The following ATF6 variants were observed in gnomAD, a reference collection of about 807,000 sequenced individuals.
The protein encoded by ATF6 is cyclic AMP-dependent transcription factor ATF-6 alpha.
A neutral mutation model predicts 83.6 loss-of-function variants in ATF6; 53 were observed. The ratio of observed to expected loss-of-function variants is 0.63; its 90% CI spans 0.51 to 0.80. The LOEUF (loss-of-function observed/expected upper bound fraction) is 0.80, where lower values mean the gene tolerates loss of function less well. ATF6 is among the 30% of genes least tolerant of loss of function. ATF6 has a pLI of 0.00. For synonymous variants in ATF6, 288 were observed against 285.8 expected, an observed-to-expected ratio of 1.01 and a Z score of -0.08; for missense variants, 744 against 797.9, an observed-to-expected ratio of 0.93 and a Z score of 0.81.
intron 4 of ATF6, among the ~76,000 whole-genome samples, chr1:161,787,972 C>G (rs1436000578): frequency 6.6e-6 from 1 of 152,188 alleles, no homozygotes; most frequent in Non-Finnish European, 1.5e-5. Context: ...GCATCTAACT[C>G]TGTACAACAT....
intron 6 of ATF6, among the ~76,000 whole-genome samples, chr1:161,801,355 T>C (rs1000065721): frequency 1.4e-5 from 2 of 147,864 alleles, no homozygotes; most frequent in Non-Finnish European, 1.5e-5. Context: ...TTGGTATTTG[T>C]AGTCTTTTTT....
intron 14 of ATF6, among the ~76,000 whole-genome samples, chr1:161,880,854 C>T (rs1332128227): frequency 1.3e-5 from 2 of 152,122 alleles, no homozygotes; most frequent in Non-Finnish European, 1.5e-5. Flanking sequence ...TACCATTTTA[C>T]ATTCCCACCA....
chr1:161,881,593 C>T (rs1687328552), intron 14 of ATF6, among the ~76,000 whole-genome samples: 1 of 152,124 alleles, frequency 6.6e-6, no homozygotes, highest in African/African-American at 2.4e-5. Flanking sequence ...CTTCCATACC[C>T]TCTCCAAGTA....
In ATF6 at chr1:161,775,028, C is replaced by T. The variant is rs1684482824; in HGVS notation, c.83-3216C>T. On this transcript the variant is annotated intron_variant, in intron 1 of 15. Transcript: ENST00000367942. ...AGTGCAGGGAAAGTGCAAAATAAGC[C>T]TGGAAAATCTTGGGCCAGAAATTCT... Among the ~76,000 whole-genome samples the T allele has an allele frequency of 2.0e-5, 3 of 152,058 alleles. No homozygotes were observed. In the South Asian group the frequency reaches 6.2e-4, roughly 32 times the overall value.
intron 15 of ATF6, among the ~76,000 whole-genome samples, chr1:161,943,612 C>T (rs571621431): frequency 2.8e-4 from 42 of 152,158 alleles, no homozygotes; most frequent in Non-Finnish European, 1.0e-4. Context: ...ACTCAGGGCA[C>T]GCTCCTGCCT....
At chr1:161,901,004 GTAGA>G (rs1436612304) in intron 14 of ATF6, among the ~76,000 whole-genome samples, 2 of 152,054 alleles carry the variant, frequency 1.3e-5, no homozygotes, top group African/African-American at 4.8e-5. Flanking sequence ...TAAAATTATA[GTAGA>G]TAGATCACTG....
rs1257363445 is a variant in ATF6, at chr1:161,818,041, CA to C, written c.910-1591del. Reference sequence around the variant, plus strand: ...GTGTGAACCTGGGAGGCGGAGCTTGCAGCGGGCCGAGATCTCCCCACCGTAC... The same window carrying C: ...GTGTGAACCTGGGAGGCGGAGCTTGCGCGGGCCGAGATCTCCCCACCGTAC... On this transcript the variant is annotated intron_variant, in intron 7 of 15. Transcript: ENST00000367942. Among the ~76,000 whole-genome samples the C allele has an allele frequency of 3.4e-5, 5 of 146,498 alleles. No homozygotes were observed. In the Admixed American group the frequency reaches 3.5e-4, roughly 10 times the overall value.
At chr1:161,924,300 C>A (rs1688268245) in intron 15 of ATF6, among the ~76,000 whole-genome samples, 1 of 152,116 alleles carries the variant, frequency 6.6e-6, no homozygotes, top group African/African-American at 2.4e-5. Context: ...AGTGTCATTT[C>A]AGAGATGTAC....
chr1:161,785,835 A>T (rs1455093886), intron 4 of ATF6, among the ~76,000 whole-genome samples: 1 of 152,204 alleles, frequency 6.6e-6, no homozygotes, highest in African/African-American at 2.4e-5. Context: ...CTGTTTTCCC[A>T]TCATCACTCC....
chr1:161,864,364 T>C (rs746708764), intron 14 of ATF6, among the ~76,000 whole-genome samples: 8 of 152,144 alleles, frequency 5.3e-5, no homozygotes, highest in Non-Finnish European at 4.4e-5. Flanking sequence ...GGGACTTGAG[T>C]ATGTACAGAT....
In ATF6 at chr1:161,836,465, A is replaced by T. The variant is rs563813917; in HGVS notation, c.1188-9984A>T. Among the ~76,000 whole-genome samples, 5 of 152,356 alleles carry T rather than the reference A, an allele frequency of 3.3e-5. No individual in the cohort carries two copies. The East Asian group carries it at 9.6e-4, about 29-fold the overall frequency. On this transcript the variant is annotated intron_variant, in intron 9 of 15. Coordinates refer to ENST00000367942, the MANE Select transcript of ATF6 (RefSeq NM_007348.4). ...ATCAAAGTGACACATGAACTGAAGA[A>T]ATACAATGTATCTGAGTACCAGGTG... is the stretch of plus-strand genomic sequence containing the variant.
intron 12 of ATF6, 91 bp from the exon 13 acceptor site, chr1:161,860,116 A>T: frequency 1.3e-6 from 1 of 781,844 alleles, no homozygotes; most frequent in Non-Finnish European, 1.9e-6. Context: ...ATGGAAGTTT[A>T]ACAAATTTAA....
intron 1 of ATF6, among the ~76,000 whole-genome samples, chr1:161,771,733 C>T (rs1684394402): frequency 6.6e-6 from 1 of 152,200 alleles, no homozygotes; most frequent in African/African-American, 2.4e-5. Flanking sequence ...CCTGCCTCAG[C>T]CTCCCGAGTA....
intron 10 of ATF6, among the ~76,000 whole-genome samples, chr1:161,850,388 C>A (rs1282819673): frequency 1.3e-5 from 2 of 152,164 alleles, no homozygotes; most frequent in East Asian, 1.9e-4. Flanking sequence ...AATGCTCTTA[C>A]CCCAGTTTCT....
chr1:161,918,618 T>C (rs929658724), intron 15 of ATF6, among the ~76,000 whole-genome samples: 1 of 152,150 alleles, frequency 6.6e-6, no homozygotes, highest in Non-Finnish European at 1.5e-5. Context: ...AGCAGAGACA[T>C]TGTGAGGCTA....
chr1:161,792,453 T>C, intron 6 of ATF6, 126 bp downstream of exon 6: 1 of 918,418 alleles, frequency 1.1e-6, no homozygotes, highest in Non-Finnish European at 1.7e-6. Flanking sequence ...TGTCTTTGGT[T>C]ATGAGGACGT....
intron 14 of ATF6, among the ~76,000 whole-genome samples, chr1:161,868,517 T>C (rs890996455): frequency 6.6e-6 from 1 of 152,128 alleles, no homozygotes; most frequent in Non-Finnish European, 1.5e-5. Flanking sequence ...GCAGGAAATA[T>C]CGTATGCTTT....
At chr1:161,947,939 C>G (rs1688785848) in intron 15 of ATF6, among the ~76,000 whole-genome samples, 1 of 149,522 alleles carries the variant, frequency 6.7e-6, no homozygotes, top group South Asian at 2.1e-4. Context: ...ATTCTCCTGT[C>G]TCAGCCTCCC....
chr1:161,840,872 T>A (rs1316067592), intron 9 of ATF6, among the ~76,000 whole-genome samples: 1 of 152,044 alleles, frequency 6.6e-6, no homozygotes, highest in Non-Finnish European at 1.5e-5. Context: ...GCTAGAGACT[T>A]CTTCTTTTTT....
Sources: gnomAD v4.1 joint callset for allele counts (sites outside exome capture counted in the v4.1 genomes callset) on GRCh38, gnomAD v4.1.1 for gene constraint, MANE v1.5 for transcripts, NCBI Gene and HGNC (gene_info 2026-07-23, HGNC 2026-07-21) for gene names.